NRF1: variants seen among roughly 807,000 people sequenced by gnomAD.
NRF1 encodes the protein alpha palindromic-binding protein.
In NRF1, 5 loss-of-function variants were observed where a neutral mutation model predicts 58.5. The ratio of observed to expected loss-of-function variants is 0.09; its 90% CI spans 0.04 to 0.18. The LOEUF (loss-of-function observed/expected upper bound fraction) is 0.18. Ranked by LOEUF, NRF1 falls within the 10% of genes least tolerant of loss-of-function variation. The probability of loss-of-function intolerance (pLI) is 1.00; values close to 1 mark genes in which losing one functional copy is unlikely to be tolerated. For missense variants in NRF1, 288 were observed against 657.7 expected (o/e 0.44, Z 6.15); for synonymous variants, 224 against 246.7 (o/e 0.91, Z 0.86).
chr7:129,650,620 A>T (rs1009301666), intron 1 of NRF1, among the ~76,000 whole-genome samples: 10 of 152,282 alleles, frequency 6.6e-5, no homozygotes, highest in African/African-American at 2.4e-4. Context: ...AGATTCTGGC[A>T]TCATCATAAT....
chr7:129,619,209 A>C (rs920442760), intron 1 of NRF1, among the ~76,000 whole-genome samples: 1 of 151,526 alleles, frequency 6.6e-6, no homozygotes, highest in African/African-American at 2.4e-5. Flanking sequence ...AGCTGAAGAG[A>C]GGGATTAAGT....
chr7:129,748,616 C>T (rs1421203737), intron 10 of NRF1, among the ~76,000 whole-genome samples: 2 of 152,136 alleles, frequency 1.3e-5, no homozygotes, highest in African/African-American at 2.4e-5. Context: ...TACATAAACT[C>T]CTTCAACTAT....
At chr7:129,660,966 A>G (rs1426049237) in intron 2 of NRF1, among the ~76,000 whole-genome samples, 2 of 151,286 alleles carry the variant, frequency 1.3e-5, no homozygotes, top group African/African-American at 2.5e-5. Context: ...CTGGATATCC[A>G]GGAGTTTTCA....
intron 6 of NRF1, 72 bp downstream of exon 6, chr7:129,709,305 T>G (rs1359290351): frequency 7.7e-7 from 1 of 1,304,688 alleles, no homozygotes; most frequent in African/African-American, 1.5e-5. Flanking sequence ...TTTTGTCATT[T>G]CTACATCTTG....
At chr7:129,654,642 G>A (rs952112392) in intron 1 of NRF1, among the ~76,000 whole-genome samples, 3 of 152,108 alleles carry the variant, frequency 2.0e-5, no homozygotes, top group Admixed American at 6.6e-5. Flanking sequence ...TTTTGTGAAG[G>A]TCTATGTCTA....
chr7:129,613,710 C>T (rs2151051383), intron 1 of NRF1, among the ~76,000 whole-genome samples: 1 of 149,830 alleles, frequency 6.7e-6, no homozygotes, highest in African/African-American at 2.5e-5. Context: ...ACCAGCCTGG[C>T]CAACATGGTG....
chr7:129,744,596 A>G (rs1460037351), intron 10 of NRF1, among the ~76,000 whole-genome samples: 1 of 152,084 alleles, frequency 6.6e-6, no homozygotes, highest in Non-Finnish European at 1.5e-5. Context: ...CAATTTGGCT[A>G]TGCTAAGTAC....
At chr7:129,681,096 A>C (rs1190518884) in intron 4 of NRF1, among the ~76,000 whole-genome samples, 1 of 152,332 alleles carries the variant, frequency 6.6e-6, no homozygotes, top group Middle Eastern at 3.4e-3. Flanking sequence ...AAGTGTCTTT[A>C]TAAGAGGGAA....
intron 2 of NRF1, among the ~76,000 whole-genome samples, chr7:129,665,155 A>C (rs1016609454): frequency 6.6e-6 from 1 of 152,224 alleles, no homozygotes; most frequent in East Asian, 1.9e-4. Context: ...GAAACACTGA[A>C]AGCAAGGACT....
At chr7:129,683,703 C>T (rs1456940639) in intron 4 of NRF1, among the ~76,000 whole-genome samples, 5 of 142,482 alleles carry the variant, frequency 3.5e-5, no homozygotes, top group African/African-American at 5.3e-5. Context: ...GGTGCGATCT[C>T]GGCTCACTGC....
chr7:129,713,592 C>T (rs549114607), intron 8 of NRF1, among the ~76,000 whole-genome samples: 40 of 152,308 alleles, frequency 2.6e-4, no homozygotes, highest in African/African-American at 8.9e-4. Flanking sequence ...ACTTTTTGAG[C>T]CCTGTGCCAG....
At chr7:129,614,928 A>C (rs1398679315) in intron 1 of NRF1, among the ~76,000 whole-genome samples, 1 of 152,212 alleles carries the variant, frequency 6.6e-6, no homozygotes, top group Non-Finnish European at 1.5e-5. Flanking sequence ...CTTTAGAAGC[A>C]TTTTATGTAA....
chr7:129,736,624 T>C (rs1803720223), intron 10 of NRF1, among the ~76,000 whole-genome samples: 1 of 112,194 alleles, frequency 8.9e-6, no homozygotes, highest in Non-Finnish European at 1.9e-5. Flanking sequence ...TTTTTTGGTA[T>C]CTATAGCTTT....
chr7:129,664,294 G>A (rs1801872147), intron 2 of NRF1, among the ~76,000 whole-genome samples: 1 of 152,156 alleles, frequency 6.6e-6, no homozygotes, highest in Admixed American at 6.5e-5. Flanking sequence ...TAGCACCATG[G>A]TGAAAAGACT....
At chr7:129,710,983 A>G (rs1002710063) in intron 7 of NRF1, among the ~76,000 whole-genome samples, 1 of 149,396 alleles carries the variant, frequency 6.7e-6, no homozygotes, top group African/African-American at 2.5e-5. Context: ...AGGTCTTGCT[A>G]TGTTGCCCAG....
chr7:129,670,627 G>T (rs1165869219), intron 2 of NRF1, among the ~76,000 whole-genome samples: 2 of 152,082 alleles, frequency 1.3e-5, no homozygotes, highest in East Asian at 1.9e-4. Context: ...TAAGGATAAA[G>T]GTAAAATGTC....
chr7:129,667,227 C>T (rs1345151268), intron 2 of NRF1, among the ~76,000 whole-genome samples: 4 of 152,290 alleles, frequency 2.6e-5, no homozygotes, highest in African/African-American at 9.6e-5. Flanking sequence ...GCGCCTGTTA[C>T]TTCTCATTCT....
intron 10 of NRF1, among the ~76,000 whole-genome samples, chr7:129,730,758 T>C (rs1690545995): frequency 6.6e-6 from 1 of 151,784 alleles, no homozygotes. Context: ...GGAGGATTGC[T>C]TGAGTCCAGG....
chr7:129,750,945 T>G lies in NRF1; in HGVS notation c.1349-4073T>G, dbSNP rs139064081. Among the ~76,000 whole-genome samples, 16 of 152,306 alleles carry G rather than the reference T, an allele frequency of 1.1e-4. No homozygotes were observed. The East Asian group carries it at 3.1e-3, about 29-fold the overall frequency. On this transcript the variant is annotated intron_variant, in intron 10 of 10. Transcript: ENST00000393232. ...GTTTCATTCATGGTAGTAGAAAACA[T>G]TCCAGCACCTGCTGACTGCTGGCCA...
Sources: gnomAD v4.1 joint callset for allele counts (sites outside exome capture counted in the v4.1 genomes callset) on GRCh38, gnomAD v4.1.1 for gene constraint, MANE v1.5 for transcripts, NCBI Gene and HGNC (gene_info 2026-07-23, HGNC 2026-07-21) for gene names.